ROR2: variants seen among roughly 807,000 people sequenced by gnomAD.
ROR2 encodes tyrosine-protein kinase transmembrane receptor ROR2.
ROR2 carries 33 observed loss-of-function variants against 74.9 expected under a neutral mutation model. The observed-to-expected ratio is 0.44, with a 90% CI of 0.33 to 0.59. The LOEUF (loss-of-function observed/expected upper bound fraction) is 0.59. Ranked by LOEUF, ROR2 falls within the 20% of genes least tolerant of loss-of-function variation. ROR2 has a pLI of 0.02. For synonymous variants in ROR2, 586 were observed against 558.7 expected (o/e 1.05, Z -0.69); for missense variants, 1,216 against 1,313.8 (o/e 0.93, Z 1.15).
intron 1 of ROR2, among the ~76,000 whole-genome samples, chr9:91,942,187 C>T (rs1026442756): frequency 2.0e-5 from 3 of 152,162 alleles, no homozygotes; most frequent in African/African-American, 7.2e-5. Context: ...AATGTCCCTC[C>T]ATTTCGTTTG....
intron 1 of ROR2, among the ~76,000 whole-genome samples, chr9:91,880,163 T>C (rs1379891444): frequency 6.6e-6 from 1 of 151,582 alleles, no homozygotes; most frequent in East Asian, 1.9e-4. Context: ...TGTGTCCTTA[T>C]AAGAAAAAAA....
chr9:91,887,788 CTT>C (rs771557997), intron 1 of ROR2, among the ~76,000 whole-genome samples: 5 of 100,668 alleles, frequency 5.0e-5, no homozygotes, highest in Non-Finnish European at 5.5e-5. Flanking sequence ...CTTTTTTTCT[CTT>C]TTTTTTTTTT....
chr9:91,824,465 C>A (rs1351347209), intron 1 of ROR2, among the ~76,000 whole-genome samples: 1 of 152,198 alleles, frequency 6.6e-6, no homozygotes, highest in Non-Finnish European at 1.5e-5. Flanking sequence ...GCAGGGCATC[C>A]CCTCTGCAGG....
rs200420803 is a variant in ROR2, at chr9:91,733,234, C to T, written c.825G>A (p.Pro275=). ...RQEYTIARSN[P]LILMRLQLPK... is the part of the protein sequence containing the mutation. Reference sequence around the variant, plus strand: ...GCAGCTGAAGCCGCATGAGGATGAGCGGGTTGGAGCGGGCGATGGTGTACT... The same window carrying T: ...GCAGCTGAAGCCGCATGAGGATGAGTGGGTTGGAGCGGGCGATGGTGTACT... The change falls in exon 6 of 9, where the codon CCG becomes CCA. Residue 275 remains proline (P), a synonymous_variant. Coordinates refer to ENST00000375708, the MANE Select transcript of ROR2 (RefSeq NM_004560.4). The surrounding 1 kb of genome is among the most constrained non-coding windows in gnomAD (Gnocchi z 5.7). 2.6e-5 allele frequency: 42 copies of T among 1,612,384 alleles called. No individual in the cohort carries two copies. The highest frequency in any genetic ancestry group is 1.1e-4 in the African/African-American group (8 of 74,916).
intron 1 of ROR2, among the ~76,000 whole-genome samples, chr9:91,924,360 G>A (rs1007707067): frequency 7.2e-5 from 11 of 152,254 alleles, no homozygotes; most frequent in Non-Finnish European, 2.9e-5. Context: ...TCAGTCCCTT[G>A]TGGTGGAGTG....
intron 1 of ROR2, among the ~76,000 whole-genome samples, chr9:91,809,002 CAA>C (rs59202463): frequency 3.6e-5 from 5 of 138,962 alleles, no homozygotes; most frequent in African/African-American, 7.8e-5. Context: ...GACTCCATCT[CAA>C]AAAAAAAAAA....
chr9:91,800,291 G>A (rs951726641), intron 1 of ROR2, among the ~76,000 whole-genome samples: 4 of 151,032 alleles, frequency 2.6e-5, no homozygotes, highest in Non-Finnish European at 4.4e-5. Flanking sequence ...GCAATGAGCC[G>A]AAATCGCACC....
At chr9:91,759,566 C>T (rs1825853301) in intron 2 of ROR2, among the ~76,000 whole-genome samples, 1 of 152,250 alleles carries the variant, frequency 6.6e-6, no homozygotes, top group South Asian at 2.1e-4. Context: ...CCCCATGCTC[C>T]CGTCTACTGG....
In ROR2 at chr9:91,725,018, C is replaced by G. The variant is rs1334590257; in HGVS notation, c.1476G>C (p.Leu492=). 6.2e-7 allele frequency: 1 copy of G among 1,613,854 alleles called. No individual in the cohort carries two copies. The highest frequency in any genetic ancestry group is 2.2e-5 in the East Asian group (1 of 44,890). The change falls in exon 9 of 9, where the codon CTG becomes CTC. Residue 492 remains leucine, a synonymous_variant. Coordinates refer to ENST00000375708, the MANE Select transcript of ROR2 (RefSeq NM_004560.4). ...DRFGKVYKGH[L]FGPAPGEQTQ... The stretch of plus-strand genomic sequence containing the variant: ...TCTGCTCCCCCGGGGCAGGGCCGAA[C>G]AGGTGACCTTTGTAGACTTTCCCAA...
At chr9:91,778,954 A>G (rs1277815582) in intron 1 of ROR2, among the ~76,000 whole-genome samples, 1 of 152,216 alleles carries the variant, frequency 6.6e-6, no homozygotes, top group Non-Finnish European at 1.5e-5. Flanking sequence ...TGGCTGGTAT[A>G]ATGAAATGAC....
chr9:91,726,494 T>C (rs911425314), intron 8 of ROR2, 47 bp downstream of exon 8: 23 of 1,549,124 alleles, frequency 1.5e-5, no homozygotes, highest in Non-Finnish European at 2.0e-5. Context: ...CCCCTGAGGA[T>C]TAAACCTGGA....
chr9:91,855,013 A>T (rs1829234016), intron 1 of ROR2, among the ~76,000 whole-genome samples: 1 of 152,218 alleles, frequency 6.6e-6, no homozygotes, highest in Non-Finnish European at 1.5e-5. Context: ...ATTACAACTG[A>T]TATTAAAATG....
intron 8 of ROR2, among the ~76,000 whole-genome samples, chr9:91,725,859 A>G (rs1811482351): frequency 6.6e-6 from 1 of 152,092 alleles, no homozygotes; most frequent in Non-Finnish European, 1.5e-5. Flanking sequence ...GCCCCTGCCC[A>G]TAGCAAACTC....
intron 1 of ROR2, among the ~76,000 whole-genome samples, chr9:91,914,356 G>A (rs998944474): frequency 6.6e-6 from 1 of 152,172 alleles, no homozygotes; most frequent in Non-Finnish European, 1.5e-5. Context: ...ATTCCCAAGA[G>A]ATACCCTGTA....
chr9:91,755,808 C>CCT (rs1213539417), intron 4 of ROR2: 1 of 578,022 alleles, frequency 1.7e-6, no homozygotes, highest in African/African-American at 1.9e-5. Context: ...TATTTATACT[C>CCT]CTCTCAGTAG....
At chr9:91,933,162 A>T (rs901898378) in intron 1 of ROR2, among the ~76,000 whole-genome samples, 4 of 152,230 alleles carry the variant, frequency 2.6e-5, no homozygotes, top group Middle Eastern at 3.4e-3. Flanking sequence ...AATACAAAAA[A>T]AAAATTAGCC....
intron 5 of ROR2, among the ~76,000 whole-genome samples, chr9:91,734,376 G>A (rs190237788): frequency 3.2e-4 from 49 of 152,322 alleles, no homozygotes; most frequent in African/African-American, 1.1e-3. Context: ...GTCCTCCAGC[G>A]TGGCAGAAAA....
chr9:91,816,487 C>A (rs555140741), intron 1 of ROR2, among the ~76,000 whole-genome samples: 2 of 152,242 alleles, frequency 1.3e-5, no homozygotes, highest in Admixed American at 1.3e-4. Flanking sequence ...GAGACGTGGA[C>A]ACTTGTGCTT....
At chr9:91,882,144 G>A (rs56225147) in intron 1 of ROR2, among the ~76,000 whole-genome samples, 19,448 of 151,970 alleles carry the variant, frequency 0.13, 2,507 homozygotes, top group African/African-American at 0.33. Context: ...AGGCACGGTG[G>A]ATCATGCCTG....
Sources: allele counts gnomAD v4.1 joint callset (sites outside exome capture counted in the v4.1 genomes callset), GRCh38; gene constraint gnomAD v4.1.1; non-coding constraint Gnocchi (gnomAD v3.1); transcripts MANE v1.5; gene names NCBI Gene and HGNC (gene_info 2026-07-23, HGNC 2026-07-21).